The following ASAP1 variants were observed in gnomAD, a reference collection of about 807,000 sequenced individuals.
ASAP1 encodes the protein ArfGAP with SH3 domain, ankyrin repeat and PH domain 1.
ASAP1 carries 43 observed loss-of-function variants against 145.2 expected under a neutral mutation model. The observed-to-expected ratio is 0.30, with a 90% CI of 0.23 to 0.38. The LOEUF (loss-of-function observed/expected upper bound fraction) is 0.38. ASAP1 is among the 10% of genes least tolerant of loss of function. The probability of loss-of-function intolerance (pLI) is 1.00; values close to 1 mark genes in which losing one functional copy is unlikely to be tolerated. For missense variants in ASAP1, 1,018 were observed against 1,355.3 expected (o/e 0.75, Z 3.91); for synonymous variants, 546 against 515.5 (o/e 1.06, Z -0.80).
intron 3 of ASAP1, among the ~76,000 whole-genome samples, chr8:130,272,285 A>G (rs145941263): frequency 3.2e-3 from 483 of 152,302 alleles, no homozygotes; most frequent in African/African-American, 0.011. Flanking sequence ...CCATAATGAC[A>G]TATCATCTTA....
At chr8:130,324,204 T>C (rs1824189873) in intron 3 of ASAP1, among the ~76,000 whole-genome samples, 1 of 152,208 alleles carries the variant, frequency 6.6e-6, no homozygotes, top group South Asian at 2.1e-4. Flanking sequence ...AGAAGCATCA[T>C]GACTCAACCC....
intron 3 of ASAP1, among the ~76,000 whole-genome samples, chr8:130,269,227 G>C (rs1586723357): frequency 6.6e-6 from 1 of 152,264 alleles, no homozygotes; most frequent in East Asian, 1.9e-4. Context: ...TTAAGAAAAA[G>C]GCAGAGTCTG....
At chr8:130,199,337 C>T (rs1347535963) in intron 5 of ASAP1, among the ~76,000 whole-genome samples, 1 of 152,186 alleles carries the variant, frequency 6.6e-6, no homozygotes, top group Non-Finnish European at 1.5e-5. Context: ...AATTCCTCTC[C>T]AAATCAGAAG....
At chr8:130,269,341 G>A (rs930914207) in intron 3 of ASAP1, among the ~76,000 whole-genome samples, 9 of 152,184 alleles carry the variant, frequency 5.9e-5, no homozygotes, top group Admixed American at 4.6e-4. Context: ...CAGTTTCCAA[G>A]TAAAATAGCC....
At chr8:130,247,437 T>C (rs1014254932) in intron 3 of ASAP1, among the ~76,000 whole-genome samples, 27 of 152,000 alleles carry the variant, frequency 1.8e-4, no homozygotes, top group African/African-American at 6.5e-4. Context: ...CCAAAGCAGG[T>C]CTTCCTGATC....
At chr8:130,258,236 C>T (rs995494807) in intron 3 of ASAP1, among the ~76,000 whole-genome samples, 9 of 152,288 alleles carry the variant, frequency 5.9e-5, no homozygotes, top group African/African-American at 1.4e-4. Flanking sequence ...AAAAGTCAAT[C>T]GTCAACCAGC....
intron 5 of ASAP1, among the ~76,000 whole-genome samples, chr8:130,206,677 T>G (rs1282558215): frequency 6.6e-6 from 1 of 152,216 alleles, no homozygotes; most frequent in Admixed American, 6.5e-5. Flanking sequence ...CTGGCTGACC[T>G]AGAATACTTC....
intron 3 of ASAP1, among the ~76,000 whole-genome samples, chr8:130,312,739 C>G (rs1422784400): frequency 6.6e-6 from 1 of 152,148 alleles, no homozygotes; most frequent in Non-Finnish European, 1.5e-5. Context: ...ATTCTAAAGC[C>G]CATGTTCAAC....
chr8:130,394,009 C>A (rs940613566), intron 2 of ASAP1, among the ~76,000 whole-genome samples: 4 of 152,100 alleles, frequency 2.6e-5, no homozygotes, highest in Non-Finnish European at 5.9e-5. Flanking sequence ...TTTTCATAAG[C>A]TGAGGAGGAT....
chr8:130,061,332 G>C (rs2097419088), intron 27 of ASAP1, among the ~76,000 whole-genome samples: 1 of 152,080 alleles, frequency 6.6e-6, no homozygotes, highest in African/African-American at 2.4e-5. Flanking sequence ...AAAATAAATA[G>C]AAACAGATTG....
chr8:130,223,973 A>C (rs1240202272), intron 4 of ASAP1, among the ~76,000 whole-genome samples: 1 of 152,182 alleles, frequency 6.6e-6, no homozygotes, highest in Admixed American at 6.5e-5. Flanking sequence ...TGTAAGTTCC[A>C]TCACAATTTC....
chr8:130,357,953 G>A (rs1433869789), intron 3 of ASAP1, 64 bp downstream of exon 3: 3 of 1,536,354 alleles, frequency 2.0e-6, no homozygotes, highest in African/African-American at 2.7e-5. Context: ...GCTCGGAGAG[G>A]AGATCCTCCA....
chr8:130,233,329 T>C lies in ASAP1; in HGVS notation c.259+3593A>G, dbSNP rs148903893. On this transcript the variant is annotated intron_variant, in intron 4 of 29. Transcript: ENST00000518721. ...CAGGTAGTAACACATCCAGCCAACA[T>C]GTAGCGATTCACTCAACCCTTGTTG... 7.1e-3 allele frequency among the ~76,000 whole-genome samples: 1,075 copies of C among 152,276 alleles called. 8 individuals are homozygous for C. The highest frequency in any genetic ancestry group is 0.011 in the Non-Finnish European group (748 of 68,012).
intron 18 of ASAP1, among the ~76,000 whole-genome samples, chr8:130,122,575 C>T (rs150706151): frequency 6.6e-6 from 1 of 152,300 alleles, no homozygotes; most frequent in African/African-American, 2.4e-5. Context: ...TCACCACAAC[C>T]CTATGAGGTA....
intron 26 of ASAP1, among the ~76,000 whole-genome samples, chr8:130,076,755 G>A (rs1408672608): frequency 6.6e-6 from 1 of 152,110 alleles, no homozygotes; most frequent in South Asian, 2.1e-4. Context: ...TCCTGAGCTC[G>A]TGGATCCACC....
chr8:130,263,529 G>A (rs545352552), intron 3 of ASAP1, among the ~76,000 whole-genome samples: 2 of 152,326 alleles, frequency 1.3e-5, no homozygotes, highest in African/African-American at 4.8e-5. Flanking sequence ...CCAGGAGGTG[G>A]CTGGAATTAA....
chr8:130,061,359 A>G (rs910787545), intron 27 of ASAP1, among the ~76,000 whole-genome samples: 1 of 152,262 alleles, frequency 6.6e-6, no homozygotes, highest in Non-Finnish European at 1.5e-5. Context: ...ATCGGAAAGT[A>G]CAGAGTTCTT....
chr8:130,240,398 C>T (rs966144737), intron 3 of ASAP1, among the ~76,000 whole-genome samples: 9 of 152,012 alleles, frequency 5.9e-5, no homozygotes, highest in Admixed American at 5.9e-4. Context: ...ACAGGGGATA[C>T]TGTCCTTCAA....
intron 9 of ASAP1, among the ~76,000 whole-genome samples, chr8:130,174,345 C>A (rs1813804448): frequency 1.3e-5 from 2 of 152,164 alleles, no homozygotes; most frequent in African/African-American, 2.4e-5. Context: ...ACACTTAACA[C>A]ATAAATCTTC....
Sources: allele counts gnomAD v4.1 joint callset (sites outside exome capture counted in the v4.1 genomes callset), GRCh38; gene constraint gnomAD v4.1.1; transcripts MANE v1.5; gene names NCBI Gene and HGNC (gene_info 2026-07-23, HGNC 2026-07-21).